The following TESC variants were observed in gnomAD, a reference collection of about 807,000 sequenced individuals.
The protein encoded by TESC is calcineurin B homologous protein 3.
A neutral mutation model predicts 31.0 loss-of-function variants in TESC; 19 were observed. That is an observed-to-expected ratio of 0.61 (90% CI 0.43 to 0.90). The LOEUF (loss-of-function observed/expected upper bound fraction) is 0.90. Among genes scored for constraint, TESC ranks in the 40% least tolerant of loss-of-function variants. The pLI, the probability that TESC is intolerant of heterozygous loss-of-function variation, is 0.00. For synonymous variants in TESC, 109 were observed against 114.8 expected (o/e 0.95, Z 0.32); for missense variants, 248 against 303.8 (o/e 0.82, Z 1.36).
chr12:117,057,424 G>A (rs1204002403), intron 2 of TESC, among the ~76,000 whole-genome samples: 1 of 152,114 alleles, frequency 6.6e-6, no homozygotes, highest in Non-Finnish European at 1.5e-5. Context: ...GAATCAAAGA[G>A]GTGGACTGTA....
chr12:117,074,016 G>C (rs1209432773), intron 2 of TESC, among the ~76,000 whole-genome samples: 1 of 152,148 alleles, frequency 6.6e-6, no homozygotes, highest in Non-Finnish European at 1.5e-5. Flanking sequence ...TTGAGGCCAG[G>C]AGTTTGAGAC....
rs1227050541 is a variant in TESC, at chr12:117,046,763, G to C, written c.411+14C>G. The stretch of plus-strand genomic sequence containing the variant: ...CACCAGGAGCCCCGGGCGGGCCAGA[G>C]GAGCATACTTTACATTTCGATATTC... On this transcript the variant is annotated intron_variant, in intron 5 of 7. Coordinates refer to ENST00000335209, the MANE Select transcript of TESC (RefSeq NM_017899.4). 6.4e-7 allele frequency: 1 copy of C among 1,560,004 alleles called. No individual in the cohort carries two copies. Among genetic ancestry groups the C allele is most frequent in the South Asian group, 1.2e-5 (1 of 84,668 alleles).
At chr12:117,099,083 T>G in intron 1 of TESC, 142 bp downstream of exon 1, 12 of 859,558 alleles carry the variant, frequency 1.4e-5, no homozygotes, top group African/African-American at 3.6e-5. Context: ...CGGGGACCCA[T>G]TTGAAAGAGG....
At chr12:117,092,645 G>A (rs1370475401) in intron 1 of TESC, among the ~76,000 whole-genome samples, 2 of 152,134 alleles carry the variant, frequency 1.3e-5, no homozygotes, top group Admixed American at 6.5e-5. Context: ...CTGGTTTCAC[G>A]GACACATTCA....
intron 1 of TESC, among the ~76,000 whole-genome samples, chr12:117,093,078 G>A (rs1423826557): frequency 1.3e-5 from 2 of 152,228 alleles, no homozygotes; most frequent in East Asian, 3.9e-4. Flanking sequence ...GCGGACGACA[G>A]AACAGTGTGG....
Position 117,076,553 on chromosome 12 carries a change from C to T in TESC, c.59-1213G>A, listed in dbSNP as rs12302219. Among the ~76,000 whole-genome samples, 1,368 of 152,284 alleles carry T rather than the reference C, an allele frequency of 9.0e-3. 19 individuals carry two copies. The highest frequency in any genetic ancestry group is 0.029 in the African/African-American group (1,211 of 41,546). ...TCTGCCTCCGTGTTCCAGCGATTCT[C>T]GCGCCCCAGCCTCCCAAGTAGCTGG... On this transcript the variant is annotated intron_variant, in intron 1 of 7. Coordinates refer to ENST00000335209, the MANE Select transcript of TESC (RefSeq NM_017899.4).
chr12:117,077,868 T>C (rs972626630), intron 1 of TESC, among the ~76,000 whole-genome samples: 9 of 152,154 alleles, frequency 5.9e-5, no homozygotes, highest in Non-Finnish European at 2.9e-5. Flanking sequence ...ACACTTTACA[T>C]AGTCGTGTTC....
intron 2 of TESC, among the ~76,000 whole-genome samples, chr12:117,059,678 C>T (rs1158671996): frequency 4.6e-5 from 7 of 152,110 alleles, no homozygotes; most frequent in East Asian, 1.9e-4. Context: ...CTGCAATCTC[C>T]GCCTCCCGGG....
chr12:117,045,876 G>A (rs1954550549), intron 6 of TESC, among the ~76,000 whole-genome samples: 1 of 152,234 alleles, frequency 6.6e-6, no homozygotes, highest in Non-Finnish European at 1.5e-5. Context: ...CAGAGGCTTA[G>A]AGCCTTAGGG....
In TESC at chr12:117,099,353, CG is replaced by C. The variant is rs1955441735; in HGVS notation, c.-72del. On this transcript the variant is annotated 5_prime_UTR_variant, in exon 1 of 8. Transcript: ENST00000335209. ...CGCACTGGCTTCGGCTGCGCAGCGG[CG>C]GGACTGGCCTCGGGTCCGGCCTCGG... 4 of 1,326,526 alleles carry C rather than the reference CG, an allele frequency of 3.0e-6. No individual in the cohort carries two copies. The highest frequency in any genetic ancestry group is 1.9e-6 in the Non-Finnish European group (2 of 1,036,396). 82.2% of individuals were successfully genotyped at this position (1,326,526 alleles called of 1,614,324 possible).
At position 117,042,013 on chromosome 12, in the gene TESC, G is replaced by T. The variant is rs370961314; in HGVS notation, c.520-19C>A. ...CAGGCTCCTGGGGACGGAAGCACAG[G>T]GTGGACAGTGAGTGGCGCAGGTCCC... On this transcript the variant is annotated intron_variant, in intron 6 of 7. Coordinates refer to ENST00000335209, the MANE Select transcript of TESC (RefSeq NM_017899.4). 159 of 1,588,154 alleles carry T rather than the reference G, an allele frequency of 1.0e-4. No individual in the cohort carries two copies. The African/African-American group carries it at 1.5e-3, about 15-fold the overall frequency.
chr12:117,058,252 C>CA (rs1225060139), intron 2 of TESC, among the ~76,000 whole-genome samples: 14 of 151,466 alleles, frequency 9.2e-5, no homozygotes, highest in South Asian at 2.1e-4. Flanking sequence ...AAAATACAAA[C>CA]AAAAAAAACC....
rs368352773 is a variant in TESC at position 117,044,978 on chromosome 12, AG to A, written c.519+1580del. Among the ~76,000 whole-genome samples the A allele has an allele frequency of 7.4e-4, 113 of 152,338 alleles. No individual in the cohort carries two copies. In the South Asian group the frequency reaches 9.5e-3, roughly 13 times the overall value. On this transcript the variant is annotated intron_variant, in intron 6 of 7. Coordinates refer to ENST00000335209, the MANE Select transcript of TESC (RefSeq NM_017899.4). Reference sequence around the variant, plus strand: ...TTGGAAGTCCATTAAAGTGGGGACCAGGGATTGTTTGTCTTTGGCGGATGGC... The same window carrying A: ...TTGGAAGTCCATTAAAGTGGGGACCAGGATTGTTTGTCTTTGGCGGATGGC...
chr12:117,040,091 G>A (rs1321425453), intron 7 of TESC, among the ~76,000 whole-genome samples: 1 of 152,264 alleles, frequency 6.6e-6, no homozygotes, highest in African/African-American at 2.4e-5. Flanking sequence ...GGACAGCCAC[G>A]AGGCTGGTAA....
chr12:117,058,164 G>A (rs149879167), intron 2 of TESC, among the ~76,000 whole-genome samples: 25 of 152,152 alleles, frequency 1.6e-4, no homozygotes, highest in Middle Eastern at 3.4e-3. Context: ...AGGTTGCAGT[G>A]AGCCAAGATC....
chr12:117,055,647 T>C (rs10850748), intron 3 of TESC, among the ~76,000 whole-genome samples: 7,565 of 152,214 alleles, frequency 0.05, 368 homozygotes, highest in South Asian at 0.16. Flanking sequence ...ATATGTCCCA[T>C]CGGTTCATTC....
At chr12:117,082,163 T>C (rs12320443) in intron 1 of TESC, among the ~76,000 whole-genome samples, 4,510 of 151,920 alleles carry the variant, frequency 0.03, 246 homozygotes, top group African/African-American at 0.1. Flanking sequence ...GAGCCAAGAT[T>C]GCACTCCAGC....
intron 4 of TESC, among the ~76,000 whole-genome samples, chr12:117,047,861 C>A (rs745420172): frequency 8.5e-5 from 13 of 152,176 alleles, no homozygotes; most frequent in Non-Finnish European, 1.6e-4. Context: ...CCACCCCAGT[C>A]TCCCGAGTAC....
intron 1 of TESC, among the ~76,000 whole-genome samples, chr12:117,081,696 G>A (rs1399088436): frequency 6.6e-6 from 1 of 152,156 alleles, no homozygotes; most frequent in East Asian, 1.9e-4. Flanking sequence ...CTGAGGTCAG[G>A]AGTTTGAGAC....
Sources: gnomAD v4.1 joint callset for allele counts (sites outside exome capture counted in the v4.1 genomes callset) on GRCh38, gnomAD v4.1.1 for gene constraint, MANE v1.5 for transcripts, NCBI Gene and HGNC (gene_info 2026-07-23, HGNC 2026-07-21) for gene names.